Variants in CDK14 observed in about 807,000 individuals in gnomAD.
CDK14 encodes the protein cyclin-dependent kinase 14.
A neutral mutation model predicts 60.7 loss-of-function variants in CDK14; 34 were observed. That is an observed-to-expected ratio of 0.56 (90% CI 0.43 to 0.75). The LOEUF (loss-of-function observed/expected upper bound fraction) is 0.75. CDK14 is among the 30% of genes least tolerant of loss of function. The pLI, the probability that CDK14 is intolerant of heterozygous loss-of-function variation, is 0.00. For missense variants in CDK14, 482 were observed against 564.1 expected, an observed-to-expected ratio of 0.85 and a Z score of 1.47; for synonymous variants, 197 against 203.7, an observed-to-expected ratio of 0.97 and a Z score of 0.28.
intron 10 of CDK14, among the ~76,000 whole-genome samples, chr7:91,039,060 A>G (rs1022603480): frequency 2.0e-5 from 3 of 151,680 alleles, no homozygotes; most frequent in Non-Finnish European, 4.4e-5. Flanking sequence ...ATACCTCTGT[A>G]TCTTTACACA....
chr7:91,150,536 A>G (rs1283025594), intron 14 of CDK14, among the ~76,000 whole-genome samples: 2 of 152,232 alleles, frequency 1.3e-5, no homozygotes, highest in East Asian at 1.9e-4. Flanking sequence ...CCAAACATAT[A>G]TAGGATCACA....
intron 2 of CDK14, chr7:90,666,376 G>C (rs1800979996): frequency 6.6e-6 from 1 of 152,188 alleles, no homozygotes; most frequent in Non-Finnish European, 1.5e-5. Flanking sequence ...CCAGGGTTGT[G>C]ACGCTGCAGC....
chr7:91,145,051 T>C (rs1800583281), intron 14 of CDK14, among the ~76,000 whole-genome samples: 2 of 152,204 alleles, frequency 1.3e-5, no homozygotes, highest in Admixed American at 6.5e-5. Context: ...CTGAAGCTTA[T>C]GTGAGTTAAG....
intron 2 of CDK14, among the ~76,000 whole-genome samples, chr7:90,614,203 CTG>C (rs1446434773): frequency 6.6e-6 from 1 of 152,068 alleles, no homozygotes; most frequent in African/African-American, 2.4e-5. Context: ...CAGGGTTTCA[CTG>C]TGTTGGTCAG....
intron 2 of CDK14, among the ~76,000 whole-genome samples, chr7:90,659,593 T>G (rs1484785124): frequency 6.6e-6 from 1 of 152,198 alleles, no homozygotes; most frequent in Admixed American, 6.6e-5. Flanking sequence ...GCAAGAATAT[T>G]ACCCTGAAAC....
chr7:91,090,107 C>T (rs758681454), intron 12 of CDK14, among the ~76,000 whole-genome samples: 3 of 152,144 alleles, frequency 2.0e-5, no homozygotes, highest in Non-Finnish European at 2.9e-5. Flanking sequence ...TCAGAGTAGA[C>T]GTTGGGCTTA....
chr7:91,096,065 CAAAA>C lies in CDK14; in HGVS notation c.1155-16457_1155-16454del, dbSNP rs112016367. Among the ~76,000 whole-genome samples the C allele has an allele frequency of 2.0e-4, 13 of 64,552 alleles. No homozygotes were observed. The East Asian group carries it at 2.7e-3, about 13-fold the overall frequency. The allele number at this position is 64,552 out of a possible 152,430, so 42.3% of individuals were successfully genotyped here. The stretch of plus-strand genomic sequence containing the variant: ...ATTTATCTATATTACCACAATTTGC[CAAAA>C]AAAAAAAAAAAAAAAAAAACAGTTA... On this transcript the variant is annotated intron_variant, in intron 12 of 14. Transcript: ENST00000380050.
intron 6 of CDK14, among the ~76,000 whole-genome samples, chr7:90,888,653 A>G (rs1045567892): frequency 1.3e-5 from 2 of 152,164 alleles, no homozygotes; most frequent in African/African-American, 4.8e-5. Context: ...AAAGTGTTTG[A>G]GAGTTAAGAT....
intron 2 of CDK14, among the ~76,000 whole-genome samples, chr7:90,639,581 C>T: frequency 6.6e-6 from 1 of 151,578 alleles, no homozygotes; most frequent in East Asian, 2.0e-4. Flanking sequence ...GGTCAGGGGT[C>T]AGGGACCCAC....
intron 5 of CDK14, among the ~76,000 whole-genome samples, chr7:90,856,542 C>T (rs148641776): frequency 4.5e-4 from 68 of 152,252 alleles, no homozygotes; most frequent in African/African-American, 1.6e-3. Flanking sequence ...TGCACTAACC[C>T]GGAGCTGCGT....
Position 90,784,843 on chromosome 7 carries a change from A to G in CDK14, c.465-5730A>G, listed in dbSNP as rs139035797. 2.2e-3 allele frequency among the ~76,000 whole-genome samples: 333 copies of G among 152,350 alleles called. 1 individual carries two copies. Among genetic ancestry groups the G allele is most frequent in the African/African-American group, 7.7e-3 (320 of 41,580 alleles). On this transcript the variant is annotated intron_variant, in intron 4 of 14. Coordinates refer to ENST00000380050, the MANE Select transcript of CDK14 (RefSeq NM_001287135.2). ...TATTTAGTTAAGTTTAATTTTTGAA[A>G]TATGTATGTAATACAGTATAGTGAG...
chr7:90,924,111 A>G (rs1793338899), intron 8 of CDK14, among the ~76,000 whole-genome samples: 1 of 152,218 alleles, frequency 6.6e-6, no homozygotes, highest in South Asian at 2.1e-4. Context: ...TAAAAAAATT[A>G]TGTCTTATAG....
Position 91,112,631 on chromosome 7 carries a change from G to A in CDK14, c.1244G>A (p.Ser415Asn). Residue 415 changes from serine to asparagine, a missense_variant, in exon 13 of 15, where the codon AGC (serine) becomes AAC (asparagine). Coordinates refer to ENST00000380050, the MANE Select transcript of CDK14 (RefSeq NM_001287135.2). ...KNRLSAQAAL[S>N]HEYFSDLPPR... Reference sequence around the variant, plus strand: ...AGACTGTCGGCACAGGCTGCCTTGAGCCACGAGTATTTTAGTGACCTGCCG... The same window carrying A: ...AGACTGTCGGCACAGGCTGCCTTGAACCACGAGTATTTTAGTGACCTGCCG... 6.2e-7 allele frequency: 1 copy of A among 1,613,724 alleles called. No individual in the cohort carries two copies.
intron 5 of CDK14, among the ~76,000 whole-genome samples, chr7:90,799,158 A>G (rs1363804356): frequency 1.3e-5 from 2 of 152,168 alleles, no homozygotes; most frequent in Non-Finnish European, 2.9e-5. Flanking sequence ...TTCTTAGGTG[A>G]GAATTATGCT....
intron 14 of CDK14, among the ~76,000 whole-genome samples, chr7:91,203,453 C>T (rs1174443676): frequency 6.6e-6 from 1 of 152,230 alleles, no homozygotes; most frequent in African/African-American, 2.4e-5. Context: ...TGTCCCCTGA[C>T]TTGCTCCTTC....
chr7:91,004,651 CAG>C (rs1795930267), intron 10 of CDK14, among the ~76,000 whole-genome samples: 1 of 152,140 alleles, frequency 6.6e-6, no homozygotes, highest in South Asian at 2.1e-4. Context: ...CTAAAGGACA[CAG>C]GGGAAGTTTT....
intron 5 of CDK14, among the ~76,000 whole-genome samples, chr7:90,812,740 C>T (rs570296476): frequency 1.2e-3 from 180 of 152,184 alleles, no homozygotes; most frequent in Non-Finnish European, 2.1e-3. Flanking sequence ...CCCAGTATAA[C>T]GGTTATAATT....
chr7:91,171,385 C>A (rs1385953686), intron 14 of CDK14, among the ~76,000 whole-genome samples: 1 of 152,030 alleles, frequency 6.6e-6, no homozygotes, highest in African/African-American at 2.4e-5. Flanking sequence ...CTGACTTTTC[C>A]ATTTGAAGCA....
At chr7:91,033,010 C>A (rs992761977) in intron 10 of CDK14, among the ~76,000 whole-genome samples, 41 of 152,162 alleles carry the variant, frequency 2.7e-4, no homozygotes, top group African/African-American at 9.7e-4. Flanking sequence ...TGACAATCAG[C>A]ACACATTACA....
Sources: gnomAD v4.1 joint callset for allele counts (sites outside exome capture counted in the v4.1 genomes callset) on GRCh38, gnomAD v4.1.1 for gene constraint, MANE v1.5 for transcripts, NCBI Gene and HGNC (gene_info 2026-07-23, HGNC 2026-07-21) for gene names.